The following RFX8 variants were observed in gnomAD, a reference collection of about 807,000 sequenced individuals.
The protein encoded by RFX8 is DNA-binding protein RFX8.
RFX8 carries 46 observed loss-of-function variants against 54.6 expected under a neutral mutation model. That is an observed-to-expected ratio of 0.84 (90% CI 0.67 to 1.08). The LOEUF (loss-of-function observed/expected upper bound fraction) is 1.08, where lower values mean the gene tolerates loss of function less well. RFX8 is among the 50% of genes least tolerant of loss of function. The pLI, the probability that RFX8 is intolerant of heterozygous loss-of-function variation, is 0.00. For synonymous variants in RFX8, 192 were observed against 209.5 expected (o/e 0.92, Z 0.72); for missense variants, 536 against 562.3 (o/e 0.95, Z 0.47).
intron 2 of RFX8, among the ~76,000 whole-genome samples, chr2:101,455,362 G>A (rs1397078582): frequency 6.6e-6 from 1 of 152,180 alleles, no homozygotes; most frequent in African/African-American, 2.4e-5. Flanking sequence ...TTACATATAA[G>A]TCTTTAATCC....
chr2:101,397,740 G>A lies in RFX8; in HGVS notation c.1246-16C>T, dbSNP rs35311491. 0.018 allele frequency: 27,514 copies of A among 1,534,436 alleles called. 332 individuals are homozygous for A. Among genetic ancestry groups the A allele is most frequent in the Middle Eastern group, 0.021 (124 of 5,900 alleles). ...CCTGGATGAGCTGCAAGAGGGAAAT[G>A]TTTTAAGGGAAAAGATAAAAAGAGA... On this transcript the variant is annotated splice_polypyrimidine_tract_variant and intron_variant, in intron 11 of 11. Coordinates refer to ENST00000428343, the MANE Select transcript of RFX8 (RefSeq NM_001145664.2).
intron 2 of RFX8, among the ~76,000 whole-genome samples, chr2:101,451,738 C>T (rs567588121): frequency 4.6e-5 from 7 of 150,776 alleles, no homozygotes; most frequent in East Asian, 2.0e-4. Flanking sequence ...ACCGCACCTC[C>T]GGAATATAAT....
chr2:101,450,163 C>T (rs1688599930), intron 2 of RFX8, among the ~76,000 whole-genome samples: 1 of 151,988 alleles, frequency 6.6e-6, no homozygotes, highest in Non-Finnish European at 1.5e-5. Flanking sequence ...GACAGAACAA[C>T]CAAAAAGTCA....
chr2:101,451,582 G>C (rs566242947), intron 2 of RFX8, among the ~76,000 whole-genome samples: 2 of 151,702 alleles, frequency 1.3e-5, no homozygotes, highest in South Asian at 2.1e-4. Flanking sequence ...CCAGCTACTC[G>C]GGAGGCTGAG....
At chr2:101,453,394 T>C (rs961052504) in intron 2 of RFX8, among the ~76,000 whole-genome samples, 1 of 152,074 alleles carries the variant, frequency 6.6e-6, no homozygotes, top group African/African-American at 2.4e-5. Flanking sequence ...TCCCAGCACT[T>C]TGGGAGGCCA....
At chr2:101,399,500 A>G (rs1225291933) in intron 11 of RFX8, among the ~76,000 whole-genome samples, 1 of 152,152 alleles carries the variant, frequency 6.6e-6, no homozygotes, top group Non-Finnish European at 1.5e-5. Flanking sequence ...TATCTTCTCT[A>G]TTGTTTCCAA....
intron 9 of RFX8, among the ~76,000 whole-genome samples, chr2:101,409,832 C>T (rs928937310): frequency 7.9e-5 from 12 of 152,108 alleles, no homozygotes; most frequent in Admixed American, 6.5e-4. Context: ...GCCCCTAGCT[C>T]TCCCCACCTG....
intron 7 of RFX8, 48 bp downstream of exon 7, chr2:101,414,804 CTT>C (rs1360174133): frequency 7.2e-7 from 1 of 1,391,218 alleles, no homozygotes; most frequent in Non-Finnish European, 1.0e-6. Flanking sequence ...GCTTTCACCT[CTT>C]TTCAGGAAAC....
chr2:101,452,732 C>T (rs4851452), intron 2 of RFX8, among the ~76,000 whole-genome samples: 52,467 of 151,954 alleles, frequency 0.35, 9,747 homozygotes, highest in African/African-American at 0.44. Flanking sequence ...GAGGCTGAGG[C>T]AGGCCAATCA....
At chr2:101,469,118 A>ATG (rs1689822905) in intron 1 of RFX8, among the ~76,000 whole-genome samples, 3 of 117,840 alleles carry the variant, frequency 2.5e-5, no homozygotes, top group East Asian at 2.7e-4. Context: ...GTGTATATAT[A>ATG]TATAAGTATA....
chr2:101,428,426 TA>T (rs1312747199), intron 2 of RFX8, among the ~76,000 whole-genome samples: 3 of 152,188 alleles, frequency 2.0e-5, no homozygotes, highest in Non-Finnish European at 4.4e-5. Flanking sequence ...GGCCCTCCGG[TA>T]ACCTGGCCAC....
At chr2:101,397,756 T>A in intron 11 of RFX8, 32 bp from the exon 12 acceptor site, 3 of 1,518,364 alleles carry the variant, frequency 2.0e-6, no homozygotes, top group Non-Finnish European at 1.8e-6. Context: ...AGGGAAAAGA[T>A]AAAAAGAGAC....
At chr2:101,467,943 A>T (rs1022485532) in intron 1 of RFX8, among the ~76,000 whole-genome samples, 1 of 152,138 alleles carries the variant, frequency 6.6e-6, no homozygotes, top group African/African-American at 2.4e-5. Flanking sequence ...GACTTTACAG[A>T]CAATACGTCT....
chr2:101,463,258 C>T (rs968927756), intron 2 of RFX8, among the ~76,000 whole-genome samples: 31 of 152,146 alleles, frequency 2.0e-4, no homozygotes, highest in Admixed American at 2.0e-3. Context: ...AACACTAATC[C>T]CCCACAACGA....
chr2:101,428,835 T>G, intron 2 of RFX8: 1 of 651,968 alleles, frequency 1.5e-6, no homozygotes. Context: ...GATGGGTGAA[T>G]GGTTAGGGGC....
intron 2 of RFX8, among the ~76,000 whole-genome samples, chr2:101,449,146 T>C (rs918980972): frequency 4.0e-5 from 6 of 150,330 alleles, no homozygotes; most frequent in African/African-American, 1.5e-4. Flanking sequence ...GAAAAGTGAG[T>C]GTGGCTTAAA....
Position 101,413,034 on chromosome 2 carries a change from C to T in RFX8, c.599G>A (p.Ser200Asn). ...RMVLKSKRRV[S>N]VLKSDLQAII... The stretch of plus-strand genomic sequence containing the variant: ...GGCCTGTAGATCTGACTTCAAAACG[C>T]TGACACGCCTCTTACTTTTCAATAC... The change falls in exon 8 of 12, where the codon AGC becomes AAC. Residue 200 changes from serine to asparagine, a missense_variant. Coordinates refer to ENST00000428343, the MANE Select transcript of RFX8 (RefSeq NM_001145664.2). 6.4e-7 allele frequency: 1 copy of T among 1,552,144 alleles called. No homozygotes were observed. Among genetic ancestry groups the T allele is most frequent in the Non-Finnish European group, 8.7e-7 (1 of 1,147,074 alleles).
intron 2 of RFX8, among the ~76,000 whole-genome samples, chr2:101,428,067 G>A (rs1386999980): frequency 6.6e-6 from 1 of 151,668 alleles, no homozygotes; most frequent in African/African-American, 2.4e-5. Flanking sequence ...GCCAAGGGGG[G>A]CAGATCTCTT....
intron 2 of RFX8, among the ~76,000 whole-genome samples, chr2:101,460,188 T>C (rs1019616689): frequency 2.2e-5 from 3 of 133,828 alleles, no homozygotes; most frequent in Non-Finnish European, 4.9e-5. Context: ...TCCCCCGACA[T>C]CTTGAGCTTC....
Sources: allele counts gnomAD v4.1 joint callset (sites outside exome capture counted in the v4.1 genomes callset), GRCh38; gene constraint gnomAD v4.1.1; transcripts MANE v1.5; gene names NCBI Gene and HGNC (gene_info 2026-07-23, HGNC 2026-07-21).